ME3: variants seen among roughly 807,000 people sequenced by gnomAD.
The protein encoded by ME3 is NADP-dependent malic enzyme, mitochondrial.
In ME3, 48 loss-of-function variants were observed where a neutral mutation model predicts 68.9. The ratio of observed to expected loss-of-function variants is 0.70; its 90% CI spans 0.55 to 0.89. The LOEUF (loss-of-function observed/expected upper bound fraction) is 0.89, where lower values mean the gene tolerates loss of function less well. Ranked by LOEUF, ME3 falls within the 40% of genes least tolerant of loss-of-function variation. The probability of loss-of-function intolerance (pLI) is 0.00; values close to 1 mark genes in which losing one functional copy is unlikely to be tolerated. For missense variants in ME3, 675 were observed against 797.4 expected (o/e 0.85, Z 1.85); for synonymous variants, 320 against 318.8 (o/e 1.00, Z -0.04).
chr11:86,455,564 G>A (rs957318314), intron 8 of ME3, among the ~76,000 whole-genome samples: 3 of 152,100 alleles, frequency 2.0e-5, no homozygotes, highest in Admixed American at 6.5e-5. Flanking sequence ...GTGCCTCCCC[G>A]TGTACTCCAT....
At chr11:86,527,191 C>G (rs1222500973) in intron 4 of ME3, among the ~76,000 whole-genome samples, 1 of 152,156 alleles carries the variant, frequency 6.6e-6, no homozygotes, top group African/African-American at 2.4e-5. Context: ...GAGCTGAAAA[C>G]CAAGGCACGA....
intron 2 of ME3, among the ~76,000 whole-genome samples, chr11:86,591,862 G>A (rs1157937994): frequency 5.3e-5 from 8 of 151,994 alleles, no homozygotes; most frequent in South Asian, 2.1e-4. Context: ...ACCTCCCACC[G>A]AGTCTCTCCC....
chr11:86,555,676 C>T (rs539675248), intron 4 of ME3, among the ~76,000 whole-genome samples: 3 of 152,118 alleles, frequency 2.0e-5, no homozygotes, highest in Middle Eastern at 3.4e-3. Context: ...AATATTCAAC[C>T]GAAATGCTGG....
intron 4 of ME3, among the ~76,000 whole-genome samples, chr11:86,556,026 C>G (rs989843630): frequency 1.3e-5 from 2 of 151,990 alleles, no homozygotes; most frequent in African/African-American, 4.8e-5. Flanking sequence ...CTTTAGAAAA[C>G]TCCTCAAAAT....
rs867074718 is a variant in ME3 at position 86,537,013 on chromosome 11, A to G, written c.467+19540T>C. On this transcript the variant is annotated intron_variant, in intron 4 of 14. Coordinates refer to ENST00000543262, the Ensembl canonical transcript of ME3. ...GACATGGATGAAATTGGAAATCATC[A>G]TTCTCAGTAAACTATCGGAAGAACA... Among the ~76,000 whole-genome samples the G allele has an allele frequency of 8.0e-3, 1,220 of 151,686 alleles. 12 individuals are homozygous for G. The highest frequency in any genetic ancestry group is 0.028 in the African/African-American group (1,153 of 41,282).
chr11:86,610,806 G>A (rs915800192), intron 2 of ME3, among the ~76,000 whole-genome samples: 2 of 152,200 alleles, frequency 1.3e-5, no homozygotes, highest in Admixed American at 1.3e-4. Flanking sequence ...ATGAGGACTT[G>A]TTGCAACTCA....
At chr11:86,646,867 T>C (rs2135409694) in intron 2 of ME3, among the ~76,000 whole-genome samples, 1 of 152,326 alleles carries the variant, frequency 6.6e-6, no homozygotes, top group South Asian at 2.1e-4. Flanking sequence ...GCAGAAACCC[T>C]ACAAGCCAAA....
intron 6 of ME3, 95 bp from the exon 7 acceptor site, chr11:86,487,535 A>T: frequency 1.0e-6 from 1 of 966,240 alleles, no homozygotes; most frequent in Non-Finnish European, 1.6e-6. Flanking sequence ...AAGAACCAGA[A>T]GGTGGGAGGA....
intron 2 of ME3, among the ~76,000 whole-genome samples, chr11:86,617,265 T>G (rs1943041883): frequency 1.3e-5 from 2 of 151,886 alleles, no homozygotes; most frequent in African/African-American, 2.4e-5. Context: ...GTTAAAGCAC[T>G]GAGCATTATT....
chr11:86,549,571 C>T lies in ME3; in HGVS notation c.467+6982G>A, dbSNP rs550717806. On this transcript the variant is annotated intron_variant, in intron 4 of 14. Transcript: ENST00000543262. ...ACTGGTCCAGTGTATCTCTTGAGCC[C>T]GGCCACACGGGGTACACGGTTACCT... Among the ~76,000 whole-genome samples, 12 of 152,288 alleles carry T rather than the reference C, an allele frequency of 7.9e-5. No homozygotes were observed. The East Asian group carries it at 1.5e-3, about 20-fold the overall frequency.
intron 2 of ME3, among the ~76,000 whole-genome samples, chr11:86,603,611 C>T (rs1340556072): frequency 2.0e-5 from 3 of 152,012 alleles, no homozygotes; most frequent in Admixed American, 6.6e-5. Context: ...ACCCAAAGGA[C>T]TATAAATCAT....
At chr11:86,557,534 A>G (rs764195588) in intron 3 of ME3, among the ~76,000 whole-genome samples, 1 of 152,222 alleles carries the variant, frequency 6.6e-6, no homozygotes, top group Non-Finnish European at 1.5e-5. Flanking sequence ...ATCTCTGGGC[A>G]TGACATCAGG....
At chr11:86,616,902 T>C (rs1942994373) in intron 2 of ME3, among the ~76,000 whole-genome samples, 1 of 152,160 alleles carries the variant, frequency 6.6e-6, no homozygotes, top group Non-Finnish European at 1.5e-5. Flanking sequence ...CATGTACCAA[T>C]ATTAATTTCT....
intron 2 of ME3, among the ~76,000 whole-genome samples, chr11:86,620,540 GAGTT>G (rs1241412921): frequency 8.5e-5 from 13 of 152,192 alleles, no homozygotes; most frequent in Admixed American, 7.9e-4. Flanking sequence ...AGGGGCTTTG[GAGTT>G]AGTATGTGAA....
intron 4 of ME3, among the ~76,000 whole-genome samples, chr11:86,540,755 A>G (rs1242905435): frequency 6.6e-6 from 1 of 152,158 alleles, no homozygotes; most frequent in East Asian, 1.9e-4. Context: ...TGGCAAGGCA[A>G]CCTTCAATTT....
chr11:86,603,291 T>C (rs955120508), intron 2 of ME3, among the ~76,000 whole-genome samples: 67 of 152,016 alleles, frequency 4.4e-4, no homozygotes, highest in Admixed American at 2.5e-3. Flanking sequence ...GGGCAAAGGA[T>C]ATGAACAGAC....
At chr11:86,599,858 A>G (rs1232694015) in intron 2 of ME3, among the ~76,000 whole-genome samples, 1 of 152,212 alleles carries the variant, frequency 6.6e-6, no homozygotes, top group East Asian at 1.9e-4. Context: ...ACTAAGCTTC[A>G]TAAGTGGAGA....
chr11:86,488,161 C>G (rs987916683), intron 6 of ME3, among the ~76,000 whole-genome samples: 1 of 152,018 alleles, frequency 6.6e-6, no homozygotes, highest in Admixed American at 6.5e-5. Context: ...GTCTGGGCAA[C>G]AGAATGAGAC....
intron 6 of ME3, among the ~76,000 whole-genome samples, chr11:86,488,477 T>C (rs565627399): frequency 1.3e-5 from 2 of 152,190 alleles, no homozygotes; most frequent in East Asian, 3.9e-4. Context: ...GATACAAGCA[T>C]AGAATGAAAC....
Sources: allele counts gnomAD v4.1 joint callset (sites outside exome capture counted in the v4.1 genomes callset), GRCh38; gene constraint gnomAD v4.1.1; transcripts MANE v1.5; gene names NCBI Gene and HGNC (gene_info 2026-07-23, HGNC 2026-07-21).